The following DPF3 variants were observed in gnomAD, a reference collection of about 807,000 sequenced individuals.
DPF3 encodes the protein double PHD fingers 3, also known as zinc finger protein DPF3.
In DPF3, 18 loss-of-function variants were observed where a neutral mutation model predicts 56.8. That is an observed-to-expected ratio of 0.32 (90% CI 0.22 to 0.47). The LOEUF (loss-of-function observed/expected upper bound fraction) is 0.47, where lower values mean the gene tolerates loss of function less well. Ranked by LOEUF, DPF3 falls within the 20% of genes least tolerant of loss-of-function variation. DPF3 has a pLI of 1.00. For missense variants in DPF3, 403 were observed against 488.8 expected, an observed-to-expected ratio of 0.82 and a Z score of 1.65; for synonymous variants, 188 against 180.2, an observed-to-expected ratio of 1.04 and a Z score of -0.35.
rs1174978696 is a variant in DPF3, at chr14:72,619,954, G to A, written c.1015C>T (p.Arg339Ter). 3.3e-6 allele frequency: 5 copies of A among 1,535,322 alleles called. No individual in the cohort carries two copies. Among genetic ancestry groups the A allele is most frequent in the Non-Finnish European group, 4.4e-6 (5 of 1,146,502 alleles). Residue 339 changes from arginine (R) to a stop codon, truncating the protein, a stop_gained, in exon 10 of 11, where the codon CGA (arginine) becomes TGA (stop). Coordinates refer to ENST00000556509, the MANE Select transcript of DPF3 (RefSeq NM_001280542.3). LOFTEE classifies it high-confidence loss of function. ...TTTAAACAGTACATGTGATAGCCTCGGTCACAGTCATCGCAGAAGAGTAGC... is the reference window on the plus strand; with the variant it reads ...TTTAAACAGTACATGTGATAGCCTCAGTCACAGTCATCGCAGAAGAGTAGC... ...DQLLFCDDCD[R>*]GYHMYCLNPP...
At chr14:72,671,551 A>T (rs1886677893) in intron 8 of DPF3, 1 of 751,978 alleles carries the variant, frequency 1.3e-6, no homozygotes, top group African/African-American at 1.7e-5. Flanking sequence ...CCGAAAAGGC[A>T]TCATCTCTAC....
chr14:72,873,770 G>C (rs1484052814), intron 1 of DPF3, among the ~76,000 whole-genome samples: 2 of 152,084 alleles, frequency 1.3e-5, no homozygotes, highest in Non-Finnish European at 2.9e-5. Flanking sequence ...CATGTCCCTT[G>C]TAGGGACATG....
intron 2 of DPF3, among the ~76,000 whole-genome samples, chr14:72,770,285 G>A (rs143129405): frequency 9.2e-5 from 14 of 152,274 alleles, no homozygotes; most frequent in Admixed American, 7.2e-4. Flanking sequence ...ACCCTACAGC[G>A]TAAGCAACCC....
intron 3 of DPF3, among the ~76,000 whole-genome samples, chr14:72,745,992 G>C (rs1890307845): frequency 6.6e-6 from 1 of 152,190 alleles, no homozygotes; most frequent in South Asian, 2.1e-4. Flanking sequence ...GGCAGGTTGT[G>C]CCCTCAAAGG....
intron 7 of DPF3, 67 bp downstream of exon 7, chr14:72,693,009 C>A: frequency 6.3e-7 from 1 of 1,595,314 alleles, no homozygotes; most frequent in Non-Finnish European, 8.5e-7. Flanking sequence ...GAAAAAGGAA[C>A]AAGGAACGCT....
chr14:72,708,619 G>A (rs1384064426), intron 6 of DPF3, among the ~76,000 whole-genome samples: 2 of 152,180 alleles, frequency 1.3e-5, no homozygotes, highest in African/African-American at 4.8e-5. Flanking sequence ...AAAACTGCAA[G>A]AGTCATCTAA....
intron 7 of DPF3, among the ~76,000 whole-genome samples, chr14:72,690,709 G>C (rs1887644682): frequency 6.6e-6 from 1 of 152,010 alleles, no homozygotes; most frequent in Non-Finnish European, 1.5e-5. Context: ...ATGAGACACA[G>C]ACAGACAAGA....
At chr14:72,854,937 T>C (rs947769968) in intron 1 of DPF3, among the ~76,000 whole-genome samples, 2 of 152,208 alleles carry the variant, frequency 1.3e-5, no homozygotes, top group African/African-American at 4.8e-5. Flanking sequence ...TGCCCTCTCC[T>C]TTCCAAGACT....
intron 1 of DPF3, among the ~76,000 whole-genome samples, chr14:72,878,940 G>A (rs182113045): frequency 3.4e-4 from 52 of 152,370 alleles, no homozygotes; most frequent in African/African-American, 4.3e-4. Context: ...GATTCCTGCC[G>A]TGAAGGCAGA....
At position 72,827,737 on chromosome 14, in the gene DPF3, C is replaced by T. The variant is rs968881751; in HGVS notation, c.33-55844G>A. On this transcript the variant is annotated intron_variant, in intron 1 of 10. Coordinates refer to ENST00000556509, the MANE Select transcript of DPF3 (RefSeq NM_001280542.3). ...TCAGGTGATCTGCCTGCCTCAGCCT[C>T]CCAAAGTGCTGGGATTACAGGTGTG... Among the ~76,000 whole-genome samples the T allele has an allele frequency of 6.0e-4, 91 of 151,990 alleles. 1 individual carries two copies. The highest frequency in any genetic ancestry group is 5.7e-4 in the Non-Finnish European group (39 of 67,988).
intron 9 of DPF3, among the ~76,000 whole-genome samples, chr14:72,623,851 G>T (rs1172743837): frequency 6.6e-6 from 1 of 152,126 alleles, no homozygotes; most frequent in Non-Finnish European, 1.5e-5. Context: ...CCACTAAAAG[G>T]AATTAGGAGT....
intron 1 of DPF3, among the ~76,000 whole-genome samples, chr14:72,868,131 C>CT (rs572225787): frequency 2.6e-4 from 40 of 152,258 alleles, no homozygotes; most frequent in African/African-American, 8.2e-4. Context: ...AGGTACTGAT[C>CT]TTTTTTTAAA....
chr14:72,866,430 G>A (rs1885670911), intron 1 of DPF3, among the ~76,000 whole-genome samples: 1 of 150,756 alleles, frequency 6.6e-6, no homozygotes, highest in Admixed American at 6.6e-5. Context: ...CCTGGCTGGT[G>A]TTCTCACTGC....
At chr14:72,737,995 C>T (rs1225269325) in intron 3 of DPF3, among the ~76,000 whole-genome samples, 1 of 151,980 alleles carries the variant, frequency 6.6e-6, no homozygotes, top group Non-Finnish European at 1.5e-5. Flanking sequence ...TTAAGCTCAT[C>T]ATATTTCCTT....
chr14:72,673,091 G>C (rs1055484948), intron 8 of DPF3, among the ~76,000 whole-genome samples: 3 of 152,166 alleles, frequency 2.0e-5, no homozygotes, highest in African/African-American at 7.2e-5. Context: ...GTGTGCAGCA[G>C]AAACCACAGT....
intron 1 of DPF3, among the ~76,000 whole-genome samples, chr14:72,784,069 T>C (rs1892107113): frequency 6.6e-6 from 1 of 152,162 alleles, no homozygotes; most frequent in African/African-American, 2.4e-5. Context: ...GCAAATGTCC[T>C]GCACACCAAA....
rs148564788 is a variant in DPF3 at position 72,665,187 on chromosome 14, C to G, written c.871+9053G>C. Reference sequence around the variant, plus strand: ...AAAATAATCACATACTACCCCATGACAGCTCTTACATGATTTTAACTATTT... The same window carrying G: ...AAAATAATCACATACTACCCCATGAGAGCTCTTACATGATTTTAACTATTT... On this transcript the variant is annotated intron_variant, in intron 8 of 10. Coordinates refer to ENST00000556509, the MANE Select transcript of DPF3 (RefSeq NM_001280542.3). 1.0e-3 allele frequency among the ~76,000 whole-genome samples: 157 copies of G among 152,294 alleles called. 1 individual carries two copies. The highest frequency in any genetic ancestry group is 3.5e-3 in the African/African-American group (146 of 41,552).
chr14:72,771,122 G>A (rs542093954), intron 2 of DPF3, among the ~76,000 whole-genome samples: 7 of 151,246 alleles, frequency 4.6e-5, no homozygotes, highest in Non-Finnish European at 5.9e-5. Context: ...AGTCGAGATC[G>A]CACCACTGCA....
At chr14:72,683,604 G>A (rs534661062) in intron 7 of DPF3, among the ~76,000 whole-genome samples, 5 of 152,294 alleles carry the variant, frequency 3.3e-5, no homozygotes, top group East Asian at 1.9e-4. Flanking sequence ...CTCAGCTAAG[G>A]TCACACGTTA....
Sources: gnomAD v4.1 joint callset for allele counts (sites outside exome capture counted in the v4.1 genomes callset) on GRCh38, gnomAD v4.1.1 for gene constraint, MANE v1.5 for transcripts, NCBI Gene and HGNC (gene_info 2026-07-23, HGNC 2026-07-21) for gene names.